The following CTNNA3 variants were observed in gnomAD, a reference collection of about 807,000 sequenced individuals.
CTNNA3 encodes the protein catenin alpha 3.
CTNNA3 carries 76 observed loss-of-function variants against 95.7 expected under a neutral mutation model. The observed-to-expected ratio is 0.79, with a 90% CI of 0.66 to 0.96. The LOEUF (loss-of-function observed/expected upper bound fraction) is 0.96, where lower values mean the gene tolerates loss of function less well. Ranked by LOEUF, CTNNA3 falls within the 40% of genes least tolerant of loss-of-function variation. The pLI is 0.00. For synonymous variants in CTNNA3, 431 were observed against 374.4 expected (o/e 1.15, Z -1.74); for missense variants, 1,191 against 1,089.8 (o/e 1.09, Z -1.31).
intron 5 of CTNNA3, among the ~76,000 whole-genome samples, chr10:67,480,938 G>A (rs758375858): frequency 5.3e-5 from 8 of 152,094 alleles, no homozygotes; most frequent in South Asian, 4.1e-4. Flanking sequence ...TTCTAGGGAC[G>A]CAACGTTGGT....
chr10:66,629,857 T>C (rs1845071582), intron 9 of CTNNA3, among the ~76,000 whole-genome samples: 1 of 152,156 alleles, frequency 6.6e-6, no homozygotes, highest in Admixed American at 6.6e-5. Flanking sequence ...CACTTATACT[T>C]GCTTAACTGC....
chr10:65,999,422 G>T (rs1281417945), intron 15 of CTNNA3, among the ~76,000 whole-genome samples: 1 of 152,108 alleles, frequency 6.6e-6, no homozygotes, highest in Non-Finnish European at 1.5e-5. Flanking sequence ...AAAACCCTGG[G>T]CTGATGAAAG....
chr10:66,161,346 T>C (rs2084833930), intron 13 of CTNNA3, among the ~76,000 whole-genome samples: 5 of 152,236 alleles, frequency 3.3e-5, no homozygotes, highest in Non-Finnish European at 1.5e-5. Context: ...CCAGCATTTG[T>C]TTCAAGACTT....
intron 1 of CTNNA3, among the ~76,000 whole-genome samples, chr10:67,703,698 G>C (rs1841059421): frequency 6.6e-6 from 1 of 152,094 alleles, no homozygotes; most frequent in African/African-American, 2.4e-5. Context: ...TGGAAGCATT[G>C]CCTTTGAAAA....
intron 9 of CTNNA3, among the ~76,000 whole-genome samples, chr10:66,709,679 A>G (rs1848229436): frequency 6.6e-6 from 1 of 152,162 alleles, no homozygotes; most frequent in Non-Finnish European, 1.5e-5. Flanking sequence ...TATTACAAAC[A>G]AGAATTGAAA....
intron 7 of CTNNA3, among the ~76,000 whole-genome samples, chr10:67,015,910 CAA>C (rs1393020741): frequency 6.6e-6 from 1 of 151,840 alleles, no homozygotes; most frequent in Non-Finnish European, 1.5e-5. Flanking sequence ...TGTTTTCAAT[CAA>C]GTTTATTCTA....
At chr10:66,938,565 T>C (rs1427481281) in intron 7 of CTNNA3, among the ~76,000 whole-genome samples, 2 of 152,142 alleles carry the variant, frequency 1.3e-5, no homozygotes, top group Non-Finnish European at 2.9e-5. Context: ...GAGGAGGAGA[T>C]AGAGAAGCGA....
At chr10:67,521,804 T>G (rs762029527) in intron 5 of CTNNA3, 38 bp downstream of exon 5, 2 of 1,600,288 alleles carry the variant, frequency 1.2e-6, no homozygotes. Flanking sequence ...AAGCCTAAAG[T>G]GTTCATCTCC....
chr10:66,984,733 A>G (rs1038291820), intron 7 of CTNNA3, among the ~76,000 whole-genome samples: 15 of 152,200 alleles, frequency 9.9e-5, no homozygotes, highest in Non-Finnish European at 2.2e-4. Flanking sequence ...TAAATGACTT[A>G]AGAAAATGTG....
At chr10:66,146,129 G>A in intron 13 of CTNNA3, among the ~76,000 whole-genome samples, 1 of 152,204 alleles carries the variant, frequency 6.6e-6, no homozygotes, top group East Asian at 1.9e-4. Context: ...TGGGATTACA[G>A]GCATGAGCCA....
chr10:67,423,135 G>A (rs926161851), intron 5 of CTNNA3, among the ~76,000 whole-genome samples: 1 of 152,050 alleles, frequency 6.6e-6, no homozygotes, highest in African/African-American at 2.4e-5. Flanking sequence ...GTAGACATCC[G>A]TTGTTTTACC....
chr10:67,086,438 T>A (rs1217724523), intron 7 of CTNNA3, among the ~76,000 whole-genome samples: 1 of 151,958 alleles, frequency 6.6e-6, no homozygotes, highest in Admixed American at 6.6e-5. Flanking sequence ...TGCTTATCAG[T>A]AAGTAATCAT....
rs56300519 is a variant in CTNNA3 at position 67,620,923 on chromosome 10, GTATA to G, written c.100-13878_100-13875del. Reference sequence around the variant, plus strand: ...TGTATATGTGTGTGTGTGTGTGTGTGTATATATATATATATATATATATATATAC... The same window carrying G: ...TGTATATGTGTGTGTGTGTGTGTGTGTATATATATATATATATATATATAC... On this transcript the variant is annotated intron_variant, in intron 2 of 17. Transcript: ENST00000433211. Among the ~76,000 whole-genome samples, 583 of 123,810 alleles carry G rather than the reference GTATA, an allele frequency of 4.7e-3. 3 individuals are homozygous for G. Among genetic ancestry groups the G allele is most frequent in the African/African-American group, 7.8e-3 (256 of 32,712 alleles). The allele number at this position is 123,810 out of a possible 152,430, so 81.2% of individuals were successfully genotyped here. A position where few individuals can be genotyped will look rare whatever the true frequency, so the allele number is the denominator to read the frequency against.
chr10:66,357,604 T>C (rs2092620907), intron 12 of CTNNA3, among the ~76,000 whole-genome samples: 1 of 152,130 alleles, frequency 6.6e-6, no homozygotes, highest in South Asian at 2.1e-4. Context: ...AATCATAAAA[T>C]ATATAGTGTT....
At chr10:66,617,703 C>G in intron 10 of CTNNA3, among the ~76,000 whole-genome samples, 1 of 152,098 alleles carries the variant, frequency 6.6e-6, no homozygotes, top group Non-Finnish European at 1.5e-5. Context: ...GTTGGAAGTT[C>G]TGGCCAAGGC....
intron 7 of CTNNA3, among the ~76,000 whole-genome samples, chr10:66,874,403 G>A (rs1347492438): frequency 6.6e-6 from 1 of 152,156 alleles, no homozygotes; most frequent in East Asian, 1.9e-4. Flanking sequence ...CATATTGAAA[G>A]AAAAGAACTG....
chr10:66,107,190 G>C lies in CTNNA3; in HGVS notation c.1885-3941C>G, dbSNP rs544801695. Among the ~76,000 whole-genome samples the C allele has an allele frequency of 5.9e-5, 9 of 152,236 alleles. No homozygotes were observed. In the South Asian group the frequency reaches 1.5e-3, roughly 25 times the overall value. ...AAGAGAGCCCATTTTTTCAGAAAAA[G>C]TGTTAATCAATGCAGACATTAACGT... On this transcript the variant is annotated intron_variant, in intron 13 of 17. Transcript: ENST00000433211.
At chr10:66,835,294 C>G (rs1842850757) in intron 7 of CTNNA3, among the ~76,000 whole-genome samples, 1 of 152,146 alleles carries the variant, frequency 6.6e-6, no homozygotes, top group Admixed American at 6.5e-5. Flanking sequence ...AAAAGATGTT[C>G]TAGAGCAATG....
chr10:67,393,014 G>C (rs981601306), intron 5 of CTNNA3, among the ~76,000 whole-genome samples: 2 of 151,636 alleles, frequency 1.3e-5, no homozygotes, highest in Admixed American at 1.3e-4. Flanking sequence ...TATGTAACTA[G>C]CCTGCACAAT....
Sources: allele counts gnomAD v4.1 joint callset (sites outside exome capture counted in the v4.1 genomes callset), GRCh38; gene constraint gnomAD v4.1.1; transcripts MANE v1.5; gene names NCBI Gene and HGNC (gene_info 2026-07-23, HGNC 2026-07-21).